SGCD: variants seen among roughly 807,000 people sequenced by gnomAD.
SGCD encodes the protein sarcoglycan delta, also known as delta-sarcoglycan.
A neutral mutation model predicts 36.6 loss-of-function variants in SGCD; 18 were observed. The ratio of observed to expected loss-of-function variants is 0.49; its 90% confidence interval spans 0.34 to 0.73. The LOEUF is 0.73. Among genes scored for constraint, SGCD ranks in the 30% least tolerant of loss-of-function variants. The pLI, the probability that SGCD is intolerant of heterozygous loss-of-function variation, is 0.01. For synonymous variants in SGCD, 133 were observed against 130.6 expected, an observed-to-expected ratio of 1.02 and a Z score of -0.12; for missense variants, 387 against 346.7, an observed-to-expected ratio of 1.12 and a Z score of -0.92.
At chr5:155,825,744 TG>T in the SGCD span, among the ~76,000 whole-genome samples, 7 of 149,960 alleles carry the variant, frequency 4.7e-5, no homozygotes, top group Non-Finnish European at 5.9e-5. Flanking sequence ...TTTTTTTTGT[TG>T]TTGTTGTTGT....
At chr5:155,835,587 A>T in the SGCD span, among the ~76,000 whole-genome samples, 1 of 152,214 alleles carries the variant, frequency 6.6e-6, no homozygotes, top group Non-Finnish European at 1.5e-5. Flanking sequence ...ACATAGTGAG[A>T]TGGTTATTGT....
intron 1 of SGCD, among the ~76,000 whole-genome samples, chr5:155,906,441 G>A (rs894646519): frequency 2.6e-5 from 4 of 152,158 alleles, no homozygotes; most frequent in African/African-American, 9.6e-5. Flanking sequence ...AAGGCTGAAA[G>A]CTAGGTCTCT....
At chr5:156,050,512 G>C (rs1168988119) in intron 1 of SGCD, among the ~76,000 whole-genome samples, 1 of 146,496 alleles carries the variant, frequency 6.8e-6, no homozygotes, top group Non-Finnish European at 1.5e-5. Flanking sequence ...GCTTTATTCA[G>C]GTAGCCTGTA....
chr5:155,753,182 C>A, the SGCD span, among the ~76,000 whole-genome samples: 1 of 151,992 alleles, frequency 6.6e-6, no homozygotes, highest in East Asian at 1.9e-4. Context: ...CTAAAAAATA[C>A]AAAAATTAGC....
intron 1 of SGCD, among the ~76,000 whole-genome samples, chr5:155,904,040 T>C (rs113373133): frequency 9.8e-5 from 15 of 152,312 alleles, no homozygotes; most frequent in African/African-American, 3.6e-4. Flanking sequence ...CTCACTCTGC[T>C]GCGTGTGTGT....
intron 7 of SGCD, among the ~76,000 whole-genome samples, chr5:156,746,403 C>T (rs1388244031): frequency 1.3e-5 from 2 of 152,082 alleles, no homozygotes; most frequent in African/African-American, 4.8e-5. Context: ...TATTGGAAAG[C>T]CTAAGGTAAC....
chr5:155,912,043 T>C (rs1031260272), intron 1 of SGCD, among the ~76,000 whole-genome samples: 8 of 152,020 alleles, frequency 5.3e-5, no homozygotes, highest in Admixed American at 1.3e-4. Context: ...CTTCTCCTTG[T>C]ATTATACTTA....
rs551404631 is a variant in SGCD, at chr5:156,733,710, G to A, written c.576-23871G>A. ...TTATTTAGGAGAGTTAGCTCTTCTT[G>A]TTAAGTTGAACCTTTTACCATTATG... On this transcript the variant is annotated intron_variant, in intron 7 of 8. Transcript: ENST00000337851. Among the ~76,000 whole-genome samples the A allele has an allele frequency of 2.0e-5, 3 of 152,214 alleles. No individual in the cohort carries two copies. In the South Asian group the frequency reaches 6.2e-4, roughly 32 times the overall value.
chr5:156,129,366 C>G (rs996567178), intron 3 of SGCD, among the ~76,000 whole-genome samples: 2 of 152,090 alleles, frequency 1.3e-5, no homozygotes, highest in African/African-American at 4.8e-5. Context: ...CAATTTGCTC[C>G]AAATCATACG....
intron 3 of SGCD, among the ~76,000 whole-genome samples, chr5:156,194,960 GTGATGA>G (rs1257818414): frequency 7.2e-5 from 11 of 152,030 alleles, no homozygotes; most frequent in Admixed American, 2.6e-4. Context: ...TGTGGCATTG[GTGATGA>G]TGATGATGAT....
At chr5:155,847,542 A>G in the SGCD span, among the ~76,000 whole-genome samples, 1 of 152,282 alleles carries the variant, frequency 6.6e-6, no homozygotes. Flanking sequence ...TACTTTGATA[A>G]TAGAGTGTAA....
intron 1 of SGCD, among the ~76,000 whole-genome samples, chr5:155,887,576 A>G (rs1370601664): frequency 6.6e-6 from 1 of 152,120 alleles, no homozygotes; most frequent in East Asian, 1.9e-4. Context: ...TAAGCTTTCT[A>G]TGCTTCAGTT....
At chr5:156,588,831 G>A (rs1335531276) in intron 4 of SGCD, among the ~76,000 whole-genome samples, 1 of 152,112 alleles carries the variant, frequency 6.6e-6, no homozygotes, top group Non-Finnish European at 1.5e-5. Context: ...ACTCTGCATG[G>A]GTCTTTTGAA....
chr5:156,191,570 T>C (rs1763896229), intron 3 of SGCD, among the ~76,000 whole-genome samples: 1 of 152,166 alleles, frequency 6.6e-6, no homozygotes, highest in Admixed American at 6.6e-5. Context: ...TCTTTGTTGC[T>C]AGGGTTTCCT....
chr5:156,508,735 G>A, intron 4 of SGCD, 33 bp downstream of exon 4: 4 of 1,262,300 alleles, frequency 3.2e-6, no homozygotes, highest in Non-Finnish European at 4.6e-6. Flanking sequence ...AGGCATTATT[G>A]TTGCTCTAGA....
Position 156,583,300 on chromosome 5 carries a change from C to A in SGCD, c.295-5931C>A, listed in dbSNP as rs58696526. 9.5e-3 allele frequency among the ~76,000 whole-genome samples: 1,450 copies of A among 152,156 alleles called. 14 individuals are homozygous for A. The highest frequency in any genetic ancestry group is 0.017 in the Middle Eastern group (5 of 294). On this transcript the variant is annotated intron_variant, in intron 4 of 8. Transcript: ENST00000337851. ...CAAACTCTGCCTTCAAATATTCACTCCCTTACCTCCTGCCCTGTAGCTCAG... is the reference window on the plus strand; with the variant it reads ...CAAACTCTGCCTTCAAATATTCACTACCTTACCTCCTGCCCTGTAGCTCAG...
intron 3 of SGCD, among the ~76,000 whole-genome samples, chr5:156,458,784 A>C (rs1754361519): frequency 1.3e-5 from 2 of 152,218 alleles, no homozygotes; most frequent in South Asian, 4.1e-4. Context: ...TTTCAAGAGC[A>C]TGATGAGAAT....
intron 3 of SGCD, among the ~76,000 whole-genome samples, chr5:156,217,188 G>T (rs751446068): frequency 1.3e-5 from 2 of 152,162 alleles, no homozygotes; most frequent in Non-Finnish European, 2.9e-5. Flanking sequence ...CAGGGTACGT[G>T]ACTCTTTAAA....
At chr5:155,997,735 A>C (rs1328743697) in intron 1 of SGCD, among the ~76,000 whole-genome samples, 43 of 152,234 alleles carry the variant, frequency 2.8e-4, no homozygotes, top group Admixed American at 2.0e-4. Flanking sequence ...CAGTTTTTTT[A>C]ATCTCAGAAG....
Sources: gnomAD v4.1 joint callset for allele counts (sites outside exome capture counted in the v4.1 genomes callset) on GRCh38, gnomAD v4.1.1 for gene constraint, MANE v1.5 for transcripts, NCBI Gene and HGNC (gene_info 2026-07-23, HGNC 2026-07-21) for gene names.